VPS36: variants seen among roughly 807,000 people sequenced by gnomAD.
VPS36 encodes vacuolar protein sorting 36 homolog, also known as vacuolar protein-sorting-associated protein 36.
Under a neutral mutation model 63.5 loss-of-function variants are expected in VPS36, and 31 were observed. The observed-to-expected ratio is 0.49, with a 90% CI of 0.37 to 0.66. VPS36 has a LOEUF of 0.66. Among genes scored for constraint, VPS36 ranks in the 30% least tolerant of loss-of-function variants. The pLI, the probability that VPS36 is intolerant of heterozygous loss-of-function variation, is 0.00. For synonymous variants in VPS36, 138 were observed against 157.2 expected, an observed-to-expected ratio of 0.88 and a Z score of 0.91; for missense variants, 338 against 463.7, an observed-to-expected ratio of 0.73 and a Z score of 2.49.
intron 5 of VPS36, 144 bp from the exon 6 acceptor site, chr13:52,433,892 C>A (rs1958185819): frequency 1.6e-6 from 1 of 630,480 alleles, no homozygotes. Flanking sequence ...CATTTAGCTT[C>A]CCTTCAAAAC....
chr13:52,416,144 T>G, intron 12 of VPS36, 51 bp from the exon 13 acceptor site: 1 of 1,555,408 alleles, frequency 6.4e-7, no homozygotes. Context: ...AGGACACTAA[T>G]TTAAACACAC....
intron 10 of VPS36, among the ~76,000 whole-genome samples, chr13:52,422,423 G>T (rs1489435195): frequency 2.0e-5 from 3 of 152,090 alleles, no homozygotes; most frequent in Non-Finnish European, 2.9e-5. Flanking sequence ...TAGTTAGGGG[G>T]TATATGTGAA....
At chr13:52,434,906 T>G in intron 4 of VPS36, 24 bp from the exon 5 acceptor site, 1 of 1,589,770 alleles carries the variant, frequency 6.3e-7, no homozygotes, top group Middle Eastern at 1.7e-4. Context: ...AAATACACTT[T>G]AAATGACTCA....
chr13:52,436,990 TCA>T (rs1958225745), intron 3 of VPS36, among the ~76,000 whole-genome samples: 1 of 151,836 alleles, frequency 6.6e-6, no homozygotes, highest in African/African-American at 2.4e-5. Context: ...TTTATGACTA[TCA>T]TAATCTTCTA....
At chr13:52,449,888 C>A (rs1385388838) in intron 1 of VPS36, 1 of 982,582 alleles carries the variant, frequency 1.0e-6, no homozygotes, top group African/African-American at 1.7e-5. Context: ...AAAACAAAAA[C>A]CCAATAGCCT....
chr13:52,434,804 T>C lies in VPS36; in HGVS notation c.430A>G (p.Arg144Gly), dbSNP rs1958196881. Residue 144 changes from arginine (R) to glycine (G), a missense_variant, in exon 5 of 14, where the codon AGA becomes GGA. Arg to Gly is a moderately radical substitution (Grantham distance 125). Coordinates refer to ENST00000378060, the MANE Select transcript of VPS36 (RefSeq NM_016075.4). The part of the protein sequence containing the change: ...MPVSQSLQTN[R>G]GPQPGRIRAV... ...AGTTTTAAAAATACCTGGGGTCCTCTATTTGTTTGTAATGACTGGGAAACT... is the reference window on the plus strand; with the variant it reads ...AGTTTTAAAAATACCTGGGGTCCTCCATTTGTTTGTAATGACTGGGAAACT... The C allele has an allele frequency of 1.9e-6, 3 of 1,613,592 alleles. No homozygotes were observed. The highest frequency in any genetic ancestry group is 1.3e-5 in the African/African-American group (1 of 74,928).
chr13:52,439,062 T>A (rs373612775), intron 3 of VPS36, 36 bp downstream of exon 3: 1 of 1,592,084 alleles, frequency 6.3e-7, no homozygotes, highest in Non-Finnish European at 8.6e-7. Context: ...AGGAAATGTT[T>A]TCTGTGAATA....
At chr13:52,417,923 G>A (rs1028191456) in intron 11 of VPS36, 69 bp downstream of exon 11, 1 of 1,375,896 alleles carries the variant, frequency 7.3e-7, no homozygotes, top group African/African-American at 1.5e-5. Context: ...AAACTTGGCT[G>A]GGCTTTCCCA....
At chr13:52,426,180 C>T in intron 8 of VPS36, 114 bp from the exon 9 acceptor site, 1 of 1,331,732 alleles carries the variant, frequency 7.5e-7, no homozygotes, top group Non-Finnish European at 1.0e-6. Context: ...ATTCCTTCTA[C>T]TGTGTTTCTA....
chr13:52,450,450 C>G (rs1281349364), intron 1 of VPS36, 49 bp downstream of exon 1: 14 of 1,551,300 alleles, frequency 9.0e-6, no homozygotes, highest in Admixed American at 3.7e-5. Flanking sequence ...CGCGCGCCCA[C>G]CGGGGGTCCC....
intron 13 of VPS36, 29 bp from the exon 14 acceptor site, chr13:52,415,952 C>A (rs1408292033): frequency 6.2e-7 from 1 of 1,612,602 alleles, no homozygotes; most frequent in South Asian, 1.1e-5. Context: ...AAAACCCCCA[C>A]ACAATTATCT....
In VPS36 at chr13:52,446,484, T is replaced by C. The variant is rs543181901; in HGVS notation, c.96+4015A>G. ...TAACAGTTCCCTTTCAGGATTCCAGTGGATTAAGATCTAAACCTGATAGTC... is the reference window on the plus strand; with the variant it reads ...TAACAGTTCCCTTTCAGGATTCCAGCGGATTAAGATCTAAACCTGATAGTC... On this transcript the variant is annotated intron_variant, in intron 1 of 13. Transcript: ENST00000378060. Among the ~76,000 whole-genome samples the C allele has an allele frequency of 1.6e-4, 25 of 152,284 alleles. No individual in the cohort carries two copies. The South Asian group carries it at 5.2e-3, about 32-fold the overall frequency.
intron 9 of VPS36, among the ~76,000 whole-genome samples, chr13:52,425,338 G>A (rs1211339681): frequency 6.6e-6 from 1 of 152,076 alleles, no homozygotes; most frequent in Non-Finnish European, 1.5e-5. Context: ...TATGAAAGGG[G>A]ATTATAGTTG....
At chr13:52,425,753 T>C (rs1958095425) in intron 9 of VPS36, 179 bp downstream of exon 9, 3 of 584,596 alleles carry the variant, frequency 5.1e-6, no homozygotes, top group Non-Finnish European at 7.7e-6. Flanking sequence ...AAAAACAACT[T>C]AGAAAATTAC....
At chr13:52,444,643 ATTAT>A (rs1340092287) in intron 1 of VPS36, among the ~76,000 whole-genome samples, 1 of 151,064 alleles carries the variant, frequency 6.6e-6, no homozygotes, top group Non-Finnish European at 1.5e-5. Flanking sequence ...TAAACAATAA[ATTAT>A]TTATGCGGTT....
At chr13:52,449,865 G>A (rs542496624) in intron 1 of VPS36, 180 of 942,370 alleles carry the variant, frequency 1.9e-4, no homozygotes, top group Middle Eastern at 5.4e-4. Flanking sequence ...CCTTTCTAAA[G>A]CAATTAGAAA....
Position 52,421,521 on chromosome 13 carries a change from GT to G in VPS36, c.840+2052del, listed in dbSNP as rs545997400. Among the ~76,000 whole-genome samples the G allele has an allele frequency of 4.5e-3, 589 of 130,042 alleles. 1 individual carries two copies. The highest frequency in any genetic ancestry group is 0.013 in the African/African-American group (463 of 35,532). The allele number at this position is 130,042 out of a possible 152,430, so 85.3% of individuals were successfully genotyped here. A position where few individuals can be genotyped will look rare whatever the true frequency, so the allele number is the denominator to read the frequency against. ...TTTTTTTTTTTCTGTTTCTGAGTAG[GT>G]TTTTTTTTTTTTTTTTTGAGATGGA... is the stretch of plus-strand genomic sequence containing the variant. On this transcript the variant is annotated intron_variant, in intron 10 of 13. Coordinates refer to ENST00000378060, the MANE Select transcript of VPS36 (RefSeq NM_016075.4).
intron 10 of VPS36, among the ~76,000 whole-genome samples, chr13:52,418,319 G>A (rs978929135): frequency 6.6e-6 from 1 of 151,952 alleles, no homozygotes; most frequent in Non-Finnish European, 1.5e-5. Context: ...GCTCACACCT[G>A]TAATCCTAGC....
At chr13:52,432,930 T>C (rs1267174782) in intron 6 of VPS36, among the ~76,000 whole-genome samples, 1 of 152,200 alleles carries the variant, frequency 6.6e-6, no homozygotes, top group Non-Finnish European at 1.5e-5. Context: ...ATCTTTGAAA[T>C]TCTCTGAAAA....
Sources: gnomAD v4.1 joint callset for allele counts (sites outside exome capture counted in the v4.1 genomes callset) on GRCh38, gnomAD v4.1.1 for gene constraint, MANE v1.5 for transcripts, NCBI Gene and HGNC (gene_info 2026-07-23, HGNC 2026-07-21) for gene names.